SYT16: variants seen among roughly 807,000 people sequenced by gnomAD.
SYT16 encodes the protein synaptotagmin-16.
In SYT16, 42 loss-of-function variants were observed where a neutral mutation model predicts 61.4. The ratio of observed to expected loss-of-function variants is 0.68; its 90% confidence interval spans 0.53 to 0.89. The LOEUF is 0.89. SYT16 is among the 40% of genes least tolerant of loss of function. The pLI is 0.00. For synonymous variants in SYT16, 314 were observed against 302.3 expected (o/e 1.04, Z -0.40); for missense variants, 804 against 807.3 (o/e 1.00, Z 0.05).
In SYT16 at chr14:61,832,618, A is replaced by T. The variant is rs188663631; in HGVS notation, c.-325+19808A>T. On this transcript the variant is annotated intron_variant, in intron 1 of 7. Transcript: ENST00000683842. The stretch of plus-strand genomic sequence containing the variant: ...TGCCTGGCTAATTTTTTGTATTTTT[A>T]GTATAGATGGGGTTTCACCATGTTG... Among the ~76,000 whole-genome samples, 800 of 151,944 alleles carry T rather than the reference A, an allele frequency of 5.3e-3. 4 individuals are homozygous for T. The highest frequency in any genetic ancestry group is 0.018 in the African/African-American group (760 of 41,456).
At chr14:62,048,749 A>G (rs1341204265) in intron 3 of SYT16, among the ~76,000 whole-genome samples, 1 of 152,182 alleles carries the variant, frequency 6.6e-6, no homozygotes, top group African/African-American at 2.4e-5. Context: ...GTAGTCATTC[A>G]GGAGCAGGTT....
intron 5 of SYT16, among the ~76,000 whole-genome samples, chr14:62,076,830 G>A (rs573810330): frequency 6.6e-6 from 1 of 152,200 alleles, no homozygotes. Flanking sequence ...TGGTGATTGT[G>A]CCATGAGGCT....
At chr14:61,972,377 A>G (rs1430654164) in intron 2 of SYT16, among the ~76,000 whole-genome samples, 1 of 152,228 alleles carries the variant, frequency 6.6e-6, no homozygotes. Flanking sequence ...TATGAATTAT[A>G]CTTGCAAATA....
chr14:61,839,527 G>C (rs2046237158), intron 1 of SYT16, among the ~76,000 whole-genome samples: 1 of 152,268 alleles, frequency 6.6e-6, no homozygotes, highest in Admixed American at 6.5e-5. Context: ...TATTTTAGCT[G>C]TGCCGTGAGA....
At chr14:61,927,987 T>C (rs1362358138) in intron 1 of SYT16, among the ~76,000 whole-genome samples, 1 of 152,220 alleles carries the variant, frequency 6.6e-6, no homozygotes, top group East Asian at 1.9e-4. Flanking sequence ...TTGGTTGTTC[T>C]GAACAGTCCT....
intron 1 of SYT16, among the ~76,000 whole-genome samples, chr14:61,858,933 C>A (rs1305229437): frequency 6.6e-6 from 1 of 150,996 alleles, no homozygotes; most frequent in Non-Finnish European, 1.5e-5. Flanking sequence ...CGGCTCACTG[C>A]AACCTCCGCC....
chr14:62,019,543 G>T (rs1399775518), intron 3 of SYT16, among the ~76,000 whole-genome samples: 1 of 152,182 alleles, frequency 6.6e-6, no homozygotes, highest in Non-Finnish European at 1.5e-5. Flanking sequence ...ACAGAATTAG[G>T]ATGAAACAAG....
At chr14:61,949,432 TA>T (rs1448317517) in intron 1 of SYT16, among the ~76,000 whole-genome samples, 12 of 152,212 alleles carry the variant, frequency 7.9e-5, no homozygotes, top group African/African-American at 2.7e-4. Flanking sequence ...AAATCTCATA[TA>T]TTTTTTTCTT....
At chr14:61,916,289 A>G (rs1181648952) in intron 1 of SYT16, among the ~76,000 whole-genome samples, 2 of 152,152 alleles carry the variant, frequency 1.3e-5, no homozygotes, top group African/African-American at 4.8e-5. Context: ...TGAGAAACAT[A>G]ACTTTTTATA....
At chr14:62,093,303 A>C (rs1291134276) in intron 7 of SYT16, among the ~76,000 whole-genome samples, 1 of 152,150 alleles carries the variant, frequency 6.6e-6, no homozygotes, top group Non-Finnish European at 1.5e-5. Context: ...GAAAGCAGAG[A>C]AAATACTTTT....
chr14:61,953,716 C>T (rs756405078), intron 1 of SYT16, among the ~76,000 whole-genome samples: 1 of 152,010 alleles, frequency 6.6e-6, no homozygotes, highest in Non-Finnish European at 1.5e-5. Flanking sequence ...TTGATTGTCA[C>T]TTCCTTATCC....
At chr14:61,930,447 C>T (rs772763217) in intron 1 of SYT16, among the ~76,000 whole-genome samples, 7 of 152,026 alleles carry the variant, frequency 4.6e-5, no homozygotes, top group Admixed American at 1.3e-4. Flanking sequence ...ATCTGACCAC[C>T]ACCAAATCCT....
At chr14:62,072,733 G>C (rs7153304) in intron 4 of SYT16, among the ~76,000 whole-genome samples, 1 of 151,960 alleles carries the variant, frequency 6.6e-6, no homozygotes, top group Non-Finnish European at 1.5e-5. Context: ...CCAAGTTGAC[G>C]CATAAAACTT....
At chr14:61,943,297 A>G (rs2050283761) in intron 1 of SYT16, among the ~76,000 whole-genome samples, 1 of 152,246 alleles carries the variant, frequency 6.6e-6, no homozygotes, top group African/African-American at 2.4e-5. Context: ...GAATTCTACC[A>G]GAGGTACAAA....
At chr14:61,949,130 C>G (rs2050564886) in intron 1 of SYT16, among the ~76,000 whole-genome samples, 1 of 152,142 alleles carries the variant, frequency 6.6e-6, no homozygotes, top group Non-Finnish European at 1.5e-5. Flanking sequence ...CCACCAGATA[C>G]AAGATTGGTT....
chr14:61,945,278 C>T (rs1403066271), intron 1 of SYT16, among the ~76,000 whole-genome samples: 2 of 152,168 alleles, frequency 1.3e-5, no homozygotes, highest in Non-Finnish European at 2.9e-5. Flanking sequence ...CGTTTTTACA[C>T]TGTTGGTGGG....
intron 1 of SYT16, among the ~76,000 whole-genome samples, chr14:61,909,171 T>C: frequency 6.6e-6 from 1 of 152,132 alleles, no homozygotes; most frequent in East Asian, 1.9e-4. Flanking sequence ...TTCAGAGTGA[T>C]AGAGGGGATT....
intron 3 of SYT16, among the ~76,000 whole-genome samples, chr14:62,049,637 G>T (rs2055175915): frequency 6.6e-6 from 1 of 152,122 alleles, no homozygotes; most frequent in Non-Finnish European, 1.5e-5. Context: ...TCCATGTTTA[G>T]TGCTTCCTTC....
intron 4 of SYT16, among the ~76,000 whole-genome samples, chr14:62,073,217 C>A (rs2056365019): frequency 6.6e-6 from 1 of 152,092 alleles, no homozygotes; most frequent in South Asian, 2.1e-4. Context: ...TTTGAAAATT[C>A]TCTTATTACT....
Sources: gnomAD v4.1 joint callset for allele counts (sites outside exome capture counted in the v4.1 genomes callset) on GRCh38, gnomAD v4.1.1 for gene constraint, MANE v1.5 for transcripts, NCBI Gene and HGNC (gene_info 2026-07-23, HGNC 2026-07-21) for gene names.